CSMD1: variants seen among roughly 807,000 people sequenced by gnomAD.
The protein encoded by CSMD1 is CUB and sushi domain-containing protein 1.
In CSMD1, 213 loss-of-function variants were observed where a neutral mutation model predicts 417.5. That is an observed-to-expected ratio of 0.51 (90% CI 0.46 to 0.57). The LOEUF (loss-of-function observed/expected upper bound fraction) is 0.57, where lower values mean the gene tolerates loss of function less well. Ranked by LOEUF, CSMD1 falls within the 20% of genes least tolerant of loss-of-function variation. CSMD1 has a pLI of 0.00. For synonymous variants in CSMD1, 2,862 were observed against 1,736.8 expected (o/e 1.65, Z -16.11); for missense variants, 6,923 against 4,529.7 (o/e 1.53, Z -15.17).
At chr8:3,955,197 G>C (rs1175610027) in intron 5 of CSMD1, among the ~76,000 whole-genome samples, 1 of 152,132 alleles carries the variant, frequency 6.6e-6, no homozygotes, top group Non-Finnish European at 1.5e-5. Context: ...ACCACGTGCA[G>C]AGCACCTTGA....
chr8:4,804,066 T>C (rs1241042514), intron 1 of CSMD1, among the ~76,000 whole-genome samples: 3 of 152,234 alleles, frequency 2.0e-5, no homozygotes, highest in Non-Finnish European at 4.4e-5. Context: ...GTGTGTTCTA[T>C]TTCATGGTTA....
chr8:3,331,215 C>A (rs2589294), intron 23 of CSMD1, among the ~76,000 whole-genome samples: 6 of 149,780 alleles, frequency 4.0e-5, no homozygotes. Flanking sequence ...TCCAGCCTGG[C>A]CGACAGAACG....
intron 11 of CSMD1, among the ~76,000 whole-genome samples, chr8:3,470,597 C>T (rs567380057): frequency 3.9e-5 from 6 of 152,234 alleles, no homozygotes; most frequent in South Asian, 2.1e-4. Flanking sequence ...CTGAATCCAC[C>T]GCCATAGTCA....
chr8:3,341,241 T>C (rs1447582367), intron 23 of CSMD1, among the ~76,000 whole-genome samples: 4 of 152,024 alleles, frequency 2.6e-5, no homozygotes, highest in African/African-American at 9.7e-5. Flanking sequence ...ATAGTTTCCA[T>C]ACGGTCACAC....
chr8:3,903,696 C>T (rs80235632), intron 5 of CSMD1, among the ~76,000 whole-genome samples: 12 of 152,266 alleles, frequency 7.9e-5, no homozygotes, highest in African/African-American at 2.4e-4. Context: ...GATTACACAT[C>T]AGATACAGCA....
intron 1 of CSMD1, among the ~76,000 whole-genome samples, chr8:4,691,573 G>C: frequency 6.6e-6 from 1 of 152,086 alleles, no homozygotes; most frequent in East Asian, 1.9e-4. Context: ...GTTATCTTGG[G>C]AAATGGCCAC....
chr8:3,145,169 A>G (rs1009664617), intron 40 of CSMD1, among the ~76,000 whole-genome samples: 9 of 152,086 alleles, frequency 5.9e-5, no homozygotes, highest in Admixed American at 5.2e-4. Context: ...ATTAATCCCA[A>G]TCAGGCGGAA....
At chr8:3,966,757 G>A (rs62482431) in intron 5 of CSMD1, among the ~76,000 whole-genome samples, 59,207 of 110,486 alleles carry the variant, frequency 0.54, 11,827 homozygotes, top group East Asian at 0.69. Context: ...ACACACACGC[G>A]CGCGCGCGCA....
Position 4,489,058 on chromosome 8 carries a change from G to A in CSMD1, c.303-68993C>T, listed in dbSNP as rs141872255. 7.3e-3 allele frequency among the ~76,000 whole-genome samples: 1,110 copies of A among 152,202 alleles called. 7 individuals are homozygous for A. The highest frequency in any genetic ancestry group is 0.012 in the Non-Finnish European group (831 of 68,002). The stretch of plus-strand genomic sequence containing the variant: ...CCTGAGTAGCTGGGAATACAGGTGC[G>A]TGCCACCACACACAGCTAATTTTTT... On this transcript the variant is annotated intron_variant, in intron 2 of 69. Coordinates refer to ENST00000635120, the MANE Select transcript of CSMD1 (RefSeq NM_033225.6).
At chr8:3,157,351 T>C (rs1405790896) in intron 39 of CSMD1, among the ~76,000 whole-genome samples, 3 of 152,092 alleles carry the variant, frequency 2.0e-5, no homozygotes, top group Non-Finnish European at 4.4e-5. Context: ...GCTAACAGTT[T>C]AGGGAGTCTC....
At chr8:3,450,252 A>C (rs1477244742) in intron 12 of CSMD1, among the ~76,000 whole-genome samples, 1 of 151,760 alleles carries the variant, frequency 6.6e-6, no homozygotes, top group Non-Finnish European at 1.5e-5. Context: ...CTCTGTCATG[A>C]CCTAATCAGG....
chr8:4,135,153 C>T (rs1022645242), intron 3 of CSMD1, among the ~76,000 whole-genome samples: 1 of 152,118 alleles, frequency 6.6e-6, no homozygotes, highest in Admixed American at 6.5e-5. Flanking sequence ...TATTCTGGTA[C>T]AATCACTATA....
At chr8:3,857,396 G>T (rs1160891427) in intron 5 of CSMD1, among the ~76,000 whole-genome samples, 1 of 152,146 alleles carries the variant, frequency 6.6e-6, no homozygotes, top group Non-Finnish European at 1.5e-5. Flanking sequence ...CCTATATTTG[G>T]AATAACAAGT....
intron 2 of CSMD1, among the ~76,000 whole-genome samples, chr8:4,537,881 T>C (rs1378759065): frequency 6.6e-6 from 1 of 152,222 alleles, no homozygotes; most frequent in East Asian, 1.9e-4. Context: ...GGATTTAGAA[T>C]GCTTATTTTC....
chr8:4,856,449 C>T lies in CSMD1; in HGVS notation c.85+137883G>A, dbSNP rs551449043. Reference sequence around the variant, plus strand: ...TTAAATGTCAATGGACTAAATGCTCCAATTAAAAGACACAGACTGGCAAAT... The same window carrying T: ...TTAAATGTCAATGGACTAAATGCTCTAATTAAAAGACACAGACTGGCAAAT... On this transcript the variant is annotated intron_variant, in intron 1 of 69. Coordinates refer to ENST00000635120, the MANE Select transcript of CSMD1 (RefSeq NM_033225.6). 9.4e-3 allele frequency among the ~76,000 whole-genome samples: 1,318 copies of T among 140,886 alleles called. 29 individuals are homozygous for T. Among genetic ancestry groups the T allele is most frequent in the Non-Finnish European group, 0.014 (920 of 65,740 alleles). 92.4% of individuals were successfully genotyped at this position (140,886 alleles called of 152,430 possible). A position where few individuals can be genotyped will look rare whatever the true frequency, so the allele number is the denominator to read the frequency against.
chr8:3,639,760 T>C (rs752941705), intron 7 of CSMD1, among the ~76,000 whole-genome samples: 1 of 152,204 alleles, frequency 6.6e-6, no homozygotes, highest in African/African-American at 2.4e-5. Flanking sequence ...AATATATACA[T>C]CTTGTTATTC....
chr8:2,950,251 T>G lies in CSMD1; in HGVS notation c.10294A>C (p.Asn3432His). 6.2e-7 allele frequency: 1 copy of G among 1,610,988 alleles called. No homozygotes were observed. The highest frequency in any genetic ancestry group is 8.5e-7 in the Non-Finnish European group (1 of 1,177,194). ...CTTACATAACCATCTAGTCCCCAGT[T>G]GTCATTTTCGAACTTGCTTACAAAA... ...DIFVSKFEND[N>H]WGLDGYVSSG... The change falls in exon 67 of 70, where the codon AAC (asparagine) becomes CAC (histidine). Residue 3432 changes from asparagine to histidine, a missense_variant. Physicochemically the swap from Asn to His is moderately conservative, Grantham distance 68. Coordinates refer to ENST00000635120, the MANE Select transcript of CSMD1 (RefSeq NM_033225.6).
intron 2 of CSMD1, among the ~76,000 whole-genome samples, chr8:4,446,783 G>A (rs908077088): frequency 7.1e-6 from 1 of 140,406 alleles, no homozygotes; most frequent in African/African-American, 3.0e-5. Context: ...GTGTGTGTGT[G>A]TGTGTGTGTG....
At chr8:4,020,139 C>G (rs1563326090) in intron 4 of CSMD1, among the ~76,000 whole-genome samples, 1 of 152,024 alleles carries the variant, frequency 6.6e-6, no homozygotes, top group Non-Finnish European at 1.5e-5. Flanking sequence ...ACCATTTTAC[C>G]TGGGTTATGC....
Sources: gnomAD v4.1 joint callset for allele counts (sites outside exome capture counted in the v4.1 genomes callset) on GRCh38, gnomAD v4.1.1 for gene constraint, MANE v1.5 for transcripts, NCBI Gene and HGNC (gene_info 2026-07-23, HGNC 2026-07-21) for gene names.